Variants in NECTIN1 observed in about 807,000 individuals in gnomAD.
NECTIN1 encodes the protein nectin-1.
A neutral mutation model predicts 48.0 loss-of-function variants in NECTIN1; 23 were observed. The observed-to-expected ratio is 0.48, with a 90% confidence interval of 0.34 to 0.68. The LOEUF (loss-of-function observed/expected upper bound fraction) is 0.68, where lower values mean the gene tolerates loss of function less well. NECTIN1 is among the 30% of genes least tolerant of loss of function. The pLI is 0.01. For synonymous variants in NECTIN1, 270 were observed against 288.9 expected, an observed-to-expected ratio of 0.93 and a Z score of 0.66; for missense variants, 591 against 709.9, an observed-to-expected ratio of 0.83 and a Z score of 1.90.
At position 119,675,201 on chromosome 11, in the gene NECTIN1, G is replaced by T. The variant is rs1303457029; in HGVS notation, c.961C>A (p.Pro321Thr). The change falls in exon 5 of 6, where the codon CCC becomes ACC. Residue 321 changes from proline (P) to threonine (T), a missense_variant. Coordinates refer to ENST00000264025, the MANE Select transcript of NECTIN1 (RefSeq NM_002855.5). ...AGTYICEATN[P>T]IGTRSGQVEV... ...ACCTGGCCTGAGCGTGTACCGATGG[G>T]GTTGGTGGCCTCACAGATGTAGGTC... The T allele has an allele frequency of 4.3e-6, 7 of 1,614,184 alleles. No individual in the cohort carries two copies. The highest frequency in any genetic ancestry group is 8.5e-7 in the Non-Finnish European group (1 of 1,180,040).
At chr11:119,722,555 G>A (rs1490004215) in intron 1 of NECTIN1, among the ~76,000 whole-genome samples, 1 of 152,246 alleles carries the variant, frequency 6.6e-6, no homozygotes, top group Non-Finnish European at 1.5e-5. Flanking sequence ...GCCAGGGAGC[G>A]AGGCAGGTGC....
chr11:119,686,646 C>A (rs568721706), intron 1 of NECTIN1, among the ~76,000 whole-genome samples: 2 of 152,230 alleles, frequency 1.3e-5, no homozygotes, highest in Non-Finnish European at 2.9e-5. Context: ...CCTTGCCACA[C>A]TTAACAATCC....
At position 119,684,747 on chromosome 11, in the gene NECTIN1, C is replaced by T. The variant is rs1470528613; in HGVS notation, c.80-5982G>A. 6.6e-6 allele frequency among the ~76,000 whole-genome samples: 1 copy of T among 152,196 alleles called. No homozygotes were observed. Among genetic ancestry groups the T allele is most frequent in the Non-Finnish European group, 1.5e-5 (1 of 68,026 alleles). ...AGGCCAGCTCCGCCTGGGAGAGAGG[C>T]CGGTGTGGAGGAGCGTGCAATCAGG... On this transcript the variant is annotated intron_variant, in intron 1 of 5. Transcript: ENST00000264025. This position sits in a 1 kb window ranked among gnomAD's most constrained non-coding sequence, Gnocchi z 5.2.
intron 1 of NECTIN1, among the ~76,000 whole-genome samples, chr11:119,691,595 C>T (rs1865253463): frequency 6.6e-6 from 1 of 152,228 alleles, no homozygotes; most frequent in Non-Finnish European, 1.5e-5. Flanking sequence ...TCCCCAGTGC[C>T]CAGAAGGCTG....
chr11:119,639,426 T>C (rs1864289957), intron 6 of NECTIN1: 1 of 221,336 alleles, frequency 4.5e-6, no homozygotes, highest in Non-Finnish European at 9.0e-6. Flanking sequence ...TAAAATATGA[T>C]TTATCCTGAT....
Position 119,663,400 on chromosome 11 carries a change from A to C in NECTIN1, c.*1347T>G. On this transcript the variant is annotated 3_prime_UTR_variant, in exon 6 of 6. Coordinates refer to ENST00000264025, the MANE Select transcript of NECTIN1 (RefSeq NM_002855.5). ...TGTCCCATTCAAGAAGGGAATCTGC[A>C]CTGAAAGGGAGGGCTTCTCCTAGGC... 1.0e-6 allele frequency: 1 copy of C among 985,470 alleles called. No individual in the cohort carries two copies. The highest frequency in any genetic ancestry group is 4.7e-5 in the South Asian group (1 of 21,286). 61.0% of individuals were successfully genotyped at this position (985,470 alleles called of 1,614,324 possible).
intron 7 of NECTIN1, chr11:119,638,288 G>A (rs780478012): frequency 2.5e-6 from 4 of 1,612,056 alleles, no homozygotes; most frequent in Non-Finnish European, 3.4e-6. Context: ...ACCTTTCCAT[G>A]CCCCTGCTCC....
In NECTIN1 at chr11:119,662,586, G is replaced by C; in HGVS notation, c.*2161C>G. 1 of 985,752 alleles carries C rather than the reference G, an allele frequency of 1.0e-6. No individual in the cohort carries two copies. The highest frequency in any genetic ancestry group is 1.2e-6 in the Non-Finnish European group (1 of 830,004). 61.1% of individuals were successfully genotyped at this position (985,752 alleles called of 1,614,324 possible). A position where few individuals can be genotyped will look rare whatever the true frequency, so the allele number is the denominator to read the frequency against. ...GCAGGATAAAGGAGATGCAGGAGGA[G>C]ACAGGGACAGGAAATGCCTCTATCA... On this transcript the variant is annotated 3_prime_UTR_variant, in exon 6 of 6. Transcript: ENST00000264025. The surrounding 1 kb of genome is among the most constrained non-coding windows in gnomAD (Gnocchi z 5.3).
At position 119,672,945 on chromosome 11, in the gene NECTIN1, C is replaced by G. The variant is rs1423568259; in HGVS notation, c.1003+2214G>C. Among the ~76,000 whole-genome samples, 3 of 152,216 alleles carry G rather than the reference C, an allele frequency of 2.0e-5. No individual in the cohort carries two copies. Among genetic ancestry groups the G allele is most frequent in the African/African-American group, 7.2e-5 (3 of 41,452 alleles). ...TGTCCCTCCAGCACACCCCCTGCTG[C>G]CCACCTTCTGCCCTGCCCCAGTCAC... is the stretch of plus-strand genomic sequence containing the variant. On this transcript the variant is annotated intron_variant, in intron 5 of 5. Coordinates refer to ENST00000264025, the MANE Select transcript of NECTIN1 (RefSeq NM_002855.5). This position sits in a 1 kb window ranked among gnomAD's most constrained non-coding sequence, Gnocchi z 4.3.
chr11:119,691,434 G>C (rs567394155), intron 1 of NECTIN1, among the ~76,000 whole-genome samples: 1 of 152,360 alleles, frequency 6.6e-6, no homozygotes, highest in East Asian at 1.9e-4. Flanking sequence ...AAAAGGTTGT[G>C]ACATGGGGTT....
intron 5 of NECTIN1, among the ~76,000 whole-genome samples, chr11:119,649,242 A>T (rs1289174678): frequency 3.3e-5 from 5 of 152,086 alleles, no homozygotes; most frequent in African/African-American, 1.2e-4. Context: ...TTAGCTGGGC[A>T]TGGTGGCGTG....
intron 5 of NECTIN1, among the ~76,000 whole-genome samples, chr11:119,669,357 G>A (rs866897528): frequency 7.4e-5 from 11 of 149,396 alleles, no homozygotes; most frequent in African/African-American, 2.7e-4. Flanking sequence ...GTTGCAGTGA[G>A]CCAAGTTTGT....
chr11:119,682,066 A>C (rs1865068852), intron 1 of NECTIN1, among the ~76,000 whole-genome samples: 2 of 151,810 alleles, frequency 1.3e-5, no homozygotes, highest in South Asian at 4.1e-4. Context: ...CCACTTCTCC[A>C]CTCCAGACTT....
Position 119,665,127 on chromosome 11 carries a change from T to G in NECTIN1, c.1174A>C (p.Lys392Gln), listed in dbSNP as rs1206107546. Residue 392 changes from lysine to glutamine, a missense_variant, in exon 6 of 6, where the codon AAG becomes CAG. Transcript: ENST00000264025. The surrounding 1 kb of genome is among the most constrained non-coding windows in gnomAD (Gnocchi z 5.1). ...TAGCCGTTGCCATACACGTGCTTCT[T>G]GGTGCTGTAGTCACCCTTGAAGGTG... The part of the protein sequence containing the change: ...RHTFKGDYST[K>Q]KHVYGNGYSK... 1 of 1,614,034 alleles carries G rather than the reference T, an allele frequency of 6.2e-7. No individual in the cohort carries two copies. The highest frequency in any genetic ancestry group is 1.1e-5 in the South Asian group (1 of 91,084).
At position 119,672,616 on chromosome 11, in the gene NECTIN1, C is replaced by T. The variant is rs1469384446; in HGVS notation, c.1003+2543G>A. On this transcript the variant is annotated intron_variant, in intron 5 of 5. Transcript: ENST00000264025. This position sits in a 1 kb window ranked among gnomAD's most constrained non-coding sequence, Gnocchi z 4.3. The stretch of plus-strand genomic sequence containing the variant: ...TGTGCCGGTGCCATCCACACAGCCC[C>T]CTGAATGCTCAGTCTAACCCACACA... 1.3e-5 allele frequency among the ~76,000 whole-genome samples: 2 copies of T among 152,194 alleles called. No homozygotes were observed. The highest frequency in any genetic ancestry group is 2.9e-5 in the Non-Finnish European group (2 of 68,032).
At chr11:119,674,250 C>T (rs1591455260) in intron 5 of NECTIN1, 22 of 999,500 alleles carry the variant, frequency 2.2e-5, no homozygotes, top group East Asian at 5.0e-5. Flanking sequence ...TTAAGACACT[C>T]GGTCACCCTG....
chr11:119,674,904 C>T (rs1055169663), intron 5 of NECTIN1, among the ~76,000 whole-genome samples: 6 of 152,214 alleles, frequency 3.9e-5, no homozygotes, highest in Non-Finnish European at 7.3e-5. Context: ...TTGCTGTAAA[C>T]AGCACTTCCT....
intron 5 of NECTIN1, among the ~76,000 whole-genome samples, chr11:119,652,048 C>T (rs367922411): frequency 1.3e-5 from 2 of 152,172 alleles, no homozygotes; most frequent in South Asian, 2.1e-4. Context: ...TTACCTCCCT[C>T]CCGCCGGCTG....
chr11:119,688,646 G>A (rs1865202536), intron 1 of NECTIN1, among the ~76,000 whole-genome samples: 1 of 152,210 alleles, frequency 6.6e-6, no homozygotes, highest in African/African-American at 2.4e-5. Flanking sequence ...GGATGGTGGA[G>A]CTCACGAGGG....
Sources: gnomAD v4.1 joint callset for allele counts (sites outside exome capture counted in the v4.1 genomes callset) on GRCh38, gnomAD v4.1.1 for gene constraint, Gnocchi (gnomAD v3.1) non-coding constraint, MANE v1.5 for transcripts, NCBI Gene and HGNC (gene_info 2026-07-23, HGNC 2026-07-21) for gene names.